The following STEEP1 variants were observed in gnomAD, a reference collection of about 807,000 sequenced individuals.
STEEP1 encodes the protein STING1 ER exit protein 1.
Under a neutral mutation model 19.2 loss-of-function variants are expected in STEEP1, and 3 were observed. That is an observed-to-expected ratio of 0.16 (90% confidence interval 0.07 to 0.40). The LOEUF is 0.40. Among genes scored for constraint, STEEP1 ranks in the 10% least tolerant of loss-of-function variants. The probability of loss-of-function intolerance (pLI) is 0.99; values close to 1 mark genes in which losing one functional copy is unlikely to be tolerated. For missense variants in STEEP1, 54 were observed against 177.1 expected, an observed-to-expected ratio of 0.30 and a Z score of 3.94; for synonymous variants, 46 against 63.7, an observed-to-expected ratio of 0.72 and a Z score of 1.32.
intron 2 of STEEP1, among the ~76,000 whole-genome samples, chrX:119,553,914 G>C (rs1347284871): frequency 8.9e-6 from 1 of 112,327 alleles, no homozygotes; most frequent in Non-Finnish European, 1.9e-5. Flanking sequence ...CAAGAAGCAG[G>C]CAAGATGTCT....
At chrX:119,542,248 A>G (rs1230900778) in intron 5 of STEEP1, among the ~76,000 whole-genome samples, 1 of 107,643 alleles carries the variant, frequency 9.3e-6, no homozygotes, top group Non-Finnish European at 1.9e-5. Flanking sequence ...TTGTATTTTT[A>G]GTAGAAACGG....
At chrX:119,540,626 A>G (rs903107035) in intron 6 of STEEP1, among the ~76,000 whole-genome samples, 2 of 112,830 alleles carry the variant, frequency 1.8e-5, no homozygotes, top group African/African-American at 3.2e-5. Context: ...CAGTGCTTTA[A>G]GAAGCAATGA....
chrX:119,543,222 T>C (rs1442455075), intron 4 of STEEP1, among the ~76,000 whole-genome samples: 1 of 107,913 alleles, frequency 9.3e-6, no homozygotes, highest in Non-Finnish European at 1.9e-5. Context: ...GGAGTCTCAC[T>C]ATTGTTGCCC....
In STEEP1 at chrX:119,538,507, C is replaced by T. The variant is rs1438394028; in HGVS notation, c.*1220G>A. 9.6e-6 allele frequency: 1 copy of T among 103,637 alleles called. No homozygotes were observed. Among genetic ancestry groups the T allele is most frequent in the Non-Finnish European group, 2.0e-5 (1 of 50,947 alleles). 8.5% of individuals were successfully genotyped at this position (103,637 alleles called of 1,213,427 possible). ...GGAGTACAGTGGTGCAATCTCAGCT[C>T]ACTGCAACCTCCACCTCCCGAGTTC... On this transcript the variant is annotated 3_prime_UTR_variant, in exon 7 of 7. Coordinates refer to ENST00000644802, the MANE Select transcript of STEEP1 (RefSeq NM_022101.4).
intron 6 of STEEP1, among the ~76,000 whole-genome samples, chrX:119,540,628 A>C (rs1215189278): frequency 7.1e-5 from 8 of 112,740 alleles, no homozygotes; most frequent in Non-Finnish European, 1.5e-4. Context: ...GTGCTTTAAG[A>C]AGCAATGACC....
At chrX:119,542,748 T>TA (rs1355122002) in intron 4 of STEEP1, 154 bp from the exon 5 acceptor site, 7 of 348,344 alleles carry the variant, frequency 2.0e-5, no homozygotes, top group Non-Finnish European at 3.5e-5. Flanking sequence ...GTGCCAATGT[T>TA]TTTATTTACA....
intron 3 of STEEP1, 129 bp from the exon 4 acceptor site, chrX:119,544,620 T>C: frequency 9.4e-6 from 6 of 637,884 alleles, no homozygotes; most frequent in South Asian, 8.8e-5. Context: ...CTCTTCTCAG[T>C]GTCTCCCAAA....
At chrX:119,551,524 T>C (rs2053241502) in intron 2 of STEEP1, among the ~76,000 whole-genome samples, 1 of 110,051 alleles carries the variant, frequency 9.1e-6, no homozygotes, top group Non-Finnish European at 1.9e-5. Flanking sequence ...GTTTCCCCTG[T>C]CCTTCCTAAG....
chrX:119,556,212 C>G (rs908172823), intron 2 of STEEP1, among the ~76,000 whole-genome samples: 1 of 110,811 alleles, frequency 9.0e-6, no homozygotes, highest in Non-Finnish European at 1.9e-5. Flanking sequence ...TTGGCCAAAG[C>G]TAAGTCATAT....
intron 2 of STEEP1, among the ~76,000 whole-genome samples, chrX:119,546,251 G>A (rs1469691913): frequency 2.7e-5 from 3 of 109,615 alleles, no homozygotes; most frequent in Non-Finnish European, 1.9e-5. Context: ...GACTATCCTG[G>A]CCAACATGGG....
Position 119,544,458 on chromosome X carries a change from T to C in STEEP1, c.318A>G (p.Pro106=), listed in dbSNP as rs997822479. Residue 106 remains proline (P), a synonymous_variant, in exon 4 of 7, where the codon CCA becomes CCG. Coordinates refer to ENST00000644802, the MANE Select transcript of STEEP1 (RefSeq NM_022101.4). ...CAATGAAGGTAACAGGAGCATTCTT[T>C]GGCTGGGATTGGTAGAAGAGCGGCA... The part of the protein sequence containing the change: ...CGLPLFYQSQ[P]KNAPVTFIVD... The C allele has an allele frequency of 8.3e-7, 1 of 1,210,479 alleles. No homozygotes were observed. Among genetic ancestry groups the C allele is most frequent in the Non-Finnish European group, 1.1e-6 (1 of 894,418 alleles).
chrX:119,565,171 C>A (rs1157049098), intron 1 of STEEP1, 61 bp downstream of exon 1: 3 of 1,134,407 alleles, frequency 2.6e-6, no homozygotes, highest in Non-Finnish European at 3.5e-6. Context: ...AGAGGAAATT[C>A]GCCTTCAAGA....
intron 4 of STEEP1, among the ~76,000 whole-genome samples, 172 bp downstream of exon 4, chrX:119,544,175 AAAGTAT>A (rs1291517513): frequency 2.7e-5 from 3 of 111,966 alleles, no homozygotes; most frequent in Non-Finnish European, 3.8e-5. Flanking sequence ...AAATAAAAAT[AAAGTAT>A]AAGAATATAT....
chrX:119,547,973 A>G (rs1241127419), intron 2 of STEEP1, among the ~76,000 whole-genome samples: 4 of 109,934 alleles, frequency 3.6e-5, no homozygotes, highest in African/African-American at 1.3e-4. Context: ...GCAGTTCAAG[A>G]CCAGCCTGGC....
chrX:119,557,797 T>C (rs1160173263), intron 2 of STEEP1, among the ~76,000 whole-genome samples: 1 of 112,086 alleles, frequency 8.9e-6, no homozygotes, highest in Non-Finnish European at 1.9e-5. Context: ...GATTCTCCCC[T>C]ACAATCTTGA....
At chrX:119,546,201 G>A (rs1219341581) in intron 2 of STEEP1, among the ~76,000 whole-genome samples, 5 of 111,061 alleles carry the variant, frequency 4.5e-5, no homozygotes, top group Non-Finnish European at 7.5e-5. Flanking sequence ...AGCACTTTGG[G>A]AGGCCCAGGT....
intron 2 of STEEP1, among the ~76,000 whole-genome samples, chrX:119,558,378 C>T (rs968270580): frequency 1.2e-4 from 13 of 108,836 alleles, no homozygotes; most frequent in African/African-American, 4.3e-4. Context: ...ACTAAAAATA[C>T]AAAAAAAAAT....
chrX:119,541,451 G>C (rs1208680368), intron 5 of STEEP1, 31 bp from the exon 6 acceptor site: 1 of 862,238 alleles, frequency 1.2e-6, no homozygotes, highest in South Asian at 2.0e-5. Flanking sequence ...CCTTAAACCG[G>C]AAGTCTCACC....
At chrX:119,542,997 C>CAAAAAAAAAAAAAAAAAAA (rs60574433) in intron 4 of STEEP1, among the ~76,000 whole-genome samples, 1 of 47,929 alleles carries the variant, frequency 2.1e-5, no homozygotes, top group Non-Finnish European at 3.6e-5. Flanking sequence ...CTGGGTCTCG[C>CAAAAAAAAAAAAAAAAAAA]AAAAAAAAAA....
Sources: gnomAD v4.1 joint callset for allele counts (sites outside exome capture counted in the v4.1 genomes callset) on GRCh38, gnomAD v4.1.1 for gene constraint, MANE v1.5 for transcripts, NCBI Gene and HGNC (gene_info 2026-07-23, HGNC 2026-07-21) for gene names.